The following ADGRB3 variants were observed in gnomAD, a reference collection of about 807,000 sequenced individuals.
The protein encoded by ADGRB3 is adhesion G protein-coupled receptor B3, also known as brain-specific angiogenesis inhibitor 3.
ADGRB3 carries 37 observed loss-of-function variants against 193.4 expected under a neutral mutation model. The observed-to-expected ratio is 0.19, with a 90% CI of 0.15 to 0.25. ADGRB3 has a LOEUF of 0.25. Among genes scored for constraint, ADGRB3 ranks in the 10% least tolerant of loss-of-function variants. ADGRB3 has a pLI of 1.00. For synonymous variants in ADGRB3, 690 were observed against 644.2 expected, an observed-to-expected ratio of 1.07 and a Z score of -1.08; for missense variants, 1,637 against 1,852.9, an observed-to-expected ratio of 0.88 and a Z score of 2.14.
intron 17 of ADGRB3, among the ~76,000 whole-genome samples, chr6:69,213,436 A>T (rs779475): frequency 0.38 from 58,449 of 152,082 alleles, 12,300 homozygotes; most frequent in African/African-American, 0.56. Flanking sequence ...TCAGGATTAT[A>T]CCTGTATTTT....
At chr6:69,055,435 T>C (rs1771516163) in intron 15 of ADGRB3, among the ~76,000 whole-genome samples, 1 of 152,202 alleles carries the variant, frequency 6.6e-6, no homozygotes, top group Non-Finnish European at 1.5e-5. Context: ...ATCCTTTGGG[T>C]TCATTTGTCT....
chr6:69,135,380 A>G (rs761771893), intron 17 of ADGRB3, among the ~76,000 whole-genome samples: 10 of 151,934 alleles, frequency 6.6e-5, no homozygotes, highest in African/African-American at 1.7e-4. Context: ...GTTGGTTTCA[A>G]TAGAGTCCAT....
At chr6:68,947,827 A>G (rs1419469178) in intron 6 of ADGRB3, among the ~76,000 whole-genome samples, 1 of 152,128 alleles carries the variant, frequency 6.6e-6, no homozygotes, top group Admixed American at 6.6e-5. Flanking sequence ...CTGTGAAAGT[A>G]TTAGAAGTAG....
At chr6:69,179,787 G>A (rs554925916) in intron 17 of ADGRB3, among the ~76,000 whole-genome samples, 98 of 152,270 alleles carry the variant, frequency 6.4e-4, no homozygotes, top group Middle Eastern at 3.4e-3. Flanking sequence ...TTTTATATTG[G>A]ACTGTGCAGT....
chr6:68,732,999 G>A (rs1765801087), intron 3 of ADGRB3, among the ~76,000 whole-genome samples: 1 of 151,566 alleles, frequency 6.6e-6, no homozygotes, highest in African/African-American at 2.4e-5. Flanking sequence ...GTTGACTTGG[G>A]AACCAAACTC....
At chr6:68,739,866 CTTGT>C (rs1273599479) in intron 3 of ADGRB3, among the ~76,000 whole-genome samples, 1 of 152,056 alleles carries the variant, frequency 6.6e-6, no homozygotes. Flanking sequence ...CATTATCTCA[CTTGT>C]TTGGTTTTAA....
intron 6 of ADGRB3, among the ~76,000 whole-genome samples, chr6:68,944,388 T>G (rs892433396): frequency 6.6e-6 from 1 of 152,130 alleles, no homozygotes; most frequent in Non-Finnish European, 1.5e-5. Flanking sequence ...CTCTTACACT[T>G]ATTCAATTAG....
intron 10 of ADGRB3, among the ~76,000 whole-genome samples, chr6:68,990,579 A>T (rs1769210734): frequency 6.6e-6 from 1 of 152,160 alleles, no homozygotes; most frequent in African/African-American, 2.4e-5. Flanking sequence ...GCCAGATTTG[A>T]TGCTGACCCA....
chr6:68,812,366 A>T (rs909302164), intron 3 of ADGRB3, among the ~76,000 whole-genome samples: 1 of 152,116 alleles, frequency 6.6e-6, no homozygotes, highest in African/African-American at 2.4e-5. Context: ...TTTTTAAAGG[A>T]AACCCACTTT....
At chr6:68,944,579 T>A (rs999440070) in intron 6 of ADGRB3, among the ~76,000 whole-genome samples, 1 of 152,178 alleles carries the variant, frequency 6.6e-6, no homozygotes, top group African/African-American at 2.4e-5. Context: ...ATTTAAATTT[T>A]AAAATTTTTC....
At chr6:69,144,838 A>G (rs1179339886) in intron 17 of ADGRB3, among the ~76,000 whole-genome samples, 1 of 149,556 alleles carries the variant, frequency 6.7e-6, no homozygotes, top group Non-Finnish European at 1.5e-5. Flanking sequence ...TTTTGCATCA[A>G]TGTTAATCAG....
chr6:69,327,889 A>C lies in ADGRB3; in HGVS notation c.3035A>C (p.Tyr1012Ser). The C allele has an allele frequency of 6.2e-7, 1 of 1,600,900 alleles. No homozygotes were observed. The highest frequency in any genetic ancestry group is 8.5e-7 in the Non-Finnish European group (1 of 1,169,740). The change falls in exon 22 of 32, where the codon TAC becomes TCC. Residue 1012 changes from tyrosine to serine, a missense_variant and splice_region_variant. Tyr to Ser is a moderately radical substitution (Grantham distance 144). Coordinates refer to ENST00000370598, the MANE Select transcript of ADGRB3 (RefSeq NM_001704.3). ...ACAAAAGGATATGGCACTGATCACT[A>C]GTAAGTCCATCCACAGAGATAAATC... The part of the protein sequence containing the change: ...TRTKGYGTDH[Y>S]CWLSLEGGLL...
chr6:68,664,226 C>T (rs893106516), intron 3 of ADGRB3, among the ~76,000 whole-genome samples: 2 of 151,638 alleles, frequency 1.3e-5, no homozygotes, highest in African/African-American at 4.8e-5. Flanking sequence ...TTCTCAAATA[C>T]CGATTTTTTT....
At chr6:68,676,783 C>T (rs1769102771) in intron 3 of ADGRB3, among the ~76,000 whole-genome samples, 1 of 152,034 alleles carries the variant, frequency 6.6e-6, no homozygotes, top group South Asian at 2.1e-4. Context: ...TTCTTATGTG[C>T]ATATAACAGG....
intron 20 of ADGRB3, among the ~76,000 whole-genome samples, chr6:69,242,140 TGTATTTG>T (rs1766397548): frequency 6.6e-6 from 1 of 151,932 alleles, no homozygotes; most frequent in African/African-American, 2.4e-5. Context: ...TCTGTTTGAC[TGTATTTG>T]GGATTAATGG....
intron 3 of ADGRB3, among the ~76,000 whole-genome samples, chr6:68,731,582 TATG>T (rs1237583153): frequency 6.6e-6 from 1 of 151,682 alleles, no homozygotes; most frequent in East Asian, 1.9e-4. Context: ...TTTTTAATAA[TATG>T]ATGTATCATT....
chr6:68,833,569 T>C (rs1247828537), intron 3 of ADGRB3, among the ~76,000 whole-genome samples: 1 of 150,810 alleles, frequency 6.6e-6, no homozygotes, highest in African/African-American at 2.4e-5. Context: ...ATAAGTATTC[T>C]TATATTAAAG....
At chr6:69,331,710 A>G (rs1191440399) in intron 23 of ADGRB3, 1 of 985,226 alleles carries the variant, frequency 1.0e-6, no homozygotes, top group Non-Finnish European at 1.2e-6. Context: ...CTAAGCTTCT[A>G]GGTTAATGCC....
intron 15 of ADGRB3, among the ~76,000 whole-genome samples, chr6:69,062,592 T>C (rs1157778785): frequency 6.6e-6 from 1 of 151,920 alleles, no homozygotes; most frequent in Non-Finnish European, 1.5e-5. Context: ...TCCTCCTTGA[T>C]ATAAATGAAT....
Sources: allele counts gnomAD v4.1 joint callset (sites outside exome capture counted in the v4.1 genomes callset), GRCh38; gene constraint gnomAD v4.1.1; transcripts MANE v1.5; gene names NCBI Gene and HGNC (gene_info 2026-07-23, HGNC 2026-07-21).